The following ROBO2 variants were observed in gnomAD, a reference collection of about 807,000 sequenced individuals.
ROBO2 encodes the protein roundabout homolog 2.
ROBO2 carries 53 observed loss-of-function variants against 160.8 expected under a neutral mutation model. The observed-to-expected ratio is 0.33, with a 90% CI of 0.26 to 0.41. The LOEUF (loss-of-function observed/expected upper bound fraction) is 0.41, where lower values mean the gene tolerates loss of function less well. Among genes scored for constraint, ROBO2 ranks in the 10% least tolerant of loss-of-function variants. The pLI is 1.00. For missense variants in ROBO2, 1,577 were observed against 1,722.4 expected (o/e 0.92, Z 1.49); for synonymous variants, 664 against 611.7 (o/e 1.09, Z -1.26).
chr3:75,946,854 G>A (rs1445025388), intron 2 of ROBO2, among the ~76,000 whole-genome samples: 1 of 152,056 alleles, frequency 6.6e-6, no homozygotes, highest in African/African-American at 2.4e-5. Flanking sequence ...ATTGAAAAGT[G>A]TATGATGGAT....
intron 2 of ROBO2, among the ~76,000 whole-genome samples, chr3:76,250,345 T>G (rs1464359533): frequency 6.6e-6 from 1 of 152,098 alleles, no homozygotes; most frequent in Non-Finnish European, 1.5e-5. Flanking sequence ...TGAGTAATGT[T>G]TTTATTTTGC....
intron 2 of ROBO2, among the ~76,000 whole-genome samples, chr3:76,837,997 C>T (rs2109459360): frequency 6.6e-6 from 1 of 152,102 alleles, no homozygotes; most frequent in South Asian, 2.1e-4. Context: ...AATACTCTTT[C>T]ATCTAATGAA....
At chr3:76,388,306 C>T (rs960320765) in intron 2 of ROBO2, among the ~76,000 whole-genome samples, 2 of 149,306 alleles carry the variant, frequency 1.3e-5, no homozygotes, top group Admixed American at 6.7e-5. Flanking sequence ...GAGTCTTGCT[C>T]TGTCGCCCAG....
At chr3:77,186,999 C>T (rs944838860) in intron 2 of ROBO2, among the ~76,000 whole-genome samples, 3 of 151,926 alleles carry the variant, frequency 2.0e-5, no homozygotes, top group African/African-American at 7.2e-5. Context: ...TTTCTGTAAT[C>T]ATTGTCACAA....
chr3:76,258,641 A>G (rs948903393), intron 2 of ROBO2, among the ~76,000 whole-genome samples: 26 of 151,984 alleles, frequency 1.7e-4, no homozygotes, highest in African/African-American at 6.3e-4. Flanking sequence ...CTGTTCATTG[A>G]TCATTTCTTC....
intron 2 of ROBO2, among the ~76,000 whole-genome samples, chr3:76,772,725 C>T (rs1045335948): frequency 6.6e-6 from 1 of 150,902 alleles, no homozygotes. Context: ...TGGTCATTTG[C>T]CAGAGTGGAC....
chr3:77,143,728 C>G (rs1224417930), intron 2 of ROBO2, among the ~76,000 whole-genome samples: 2 of 151,982 alleles, frequency 1.3e-5, no homozygotes, highest in Non-Finnish European at 2.9e-5. Context: ...ATCAGTAGTG[C>G]CTATTTTTGC....
intron 2 of ROBO2, among the ~76,000 whole-genome samples, chr3:76,083,649 C>G (rs188548036): frequency 1.2e-3 from 186 of 152,156 alleles, no homozygotes; most frequent in African/African-American, 4.1e-3. Context: ...TTCACCAATT[C>G]CCTGATAGAA....
intron 20 of ROBO2, 21 bp from the exon 22 acceptor site, chr3:77,607,777 T>C (rs372224532): frequency 7.4e-5 from 119 of 1,610,894 alleles, no homozygotes; most frequent in Admixed American, 1.0e-4. Flanking sequence ...CATCTCTGAA[T>C]AAATACGTTA....
intron 2 of ROBO2, among the ~76,000 whole-genome samples, chr3:77,302,150 C>G (rs992560592): frequency 5.3e-5 from 8 of 151,840 alleles, no homozygotes; most frequent in African/African-American, 1.7e-4. Context: ...CCATGTTGCC[C>G]AGGCTGGTCT....
chr3:77,573,433 G>A (rs372386903), intron 13 of ROBO2, among the ~76,000 whole-genome samples: 1 of 152,040 alleles, frequency 6.6e-6, no homozygotes, highest in East Asian at 1.9e-4. Context: ...TTTGGTATGA[G>A]TTTAATCTTA....
At chr3:77,483,376 A>C (rs956166267) in intron 4 of ROBO2, among the ~76,000 whole-genome samples, 1 of 152,056 alleles carries the variant, frequency 6.6e-6, no homozygotes, top group East Asian at 1.9e-4. Context: ...AGAAAAAAAA[A>C]CAGTGTACTA....
At chr3:76,626,611 A>G (rs896828022) in intron 2 of ROBO2, among the ~76,000 whole-genome samples, 7 of 152,230 alleles carry the variant, frequency 4.6e-5, no homozygotes, top group African/African-American at 1.4e-4. Flanking sequence ...GATAACAGCA[A>G]TAAAGCCAAC....
intron 2 of ROBO2, among the ~76,000 whole-genome samples, chr3:76,052,716 G>T (rs1292058029): frequency 6.6e-6 from 1 of 151,910 alleles, no homozygotes; most frequent in Non-Finnish European, 1.5e-5. Context: ...TATTGTTTGT[G>T]GTTCCAAATT....
At chr3:77,264,945 A>T (rs2059032602) in intron 2 of ROBO2, among the ~76,000 whole-genome samples, 1 of 152,152 alleles carries the variant, frequency 6.6e-6, no homozygotes, top group Non-Finnish European at 1.5e-5. Context: ...AAATCTCTTT[A>T]TTCTTGTTCC....
Position 76,428,617 on chromosome 3 carries a change from CA to C in ROBO2, c.109+491023del, listed in dbSNP as rs58841794. 5.8e-3 allele frequency among the ~76,000 whole-genome samples: 884 copies of C among 151,256 alleles called. 28 individuals carry two copies. In the East Asian group the frequency reaches 0.098, roughly 17 times the overall value. On this transcript the variant is annotated intron_variant, in intron 2 of 26. Transcript: ENST00000487694. ...TTCTAACACTATAGTCTAACAGAAA[CA>C]AAAAAAAGTGAGTTTTTTTTCTGTA...
At chr3:77,109,120 A>T (rs2073234376) in intron 2 of ROBO2, among the ~76,000 whole-genome samples, 1 of 152,216 alleles carries the variant, frequency 6.6e-6, no homozygotes, top group African/African-American at 2.4e-5. Flanking sequence ...ATAGAAATTT[A>T]AAAAACGCAT....
At chr3:77,128,362 A>T (rs1301295629) in intron 2 of ROBO2, among the ~76,000 whole-genome samples, 1 of 152,200 alleles carries the variant, frequency 6.6e-6, no homozygotes, top group Non-Finnish European at 1.5e-5. Flanking sequence ...ATCAGATCAA[A>T]AAAACATGGT....
At chr3:76,496,600 C>G (rs1345156200) in intron 2 of ROBO2, among the ~76,000 whole-genome samples, 1 of 148,524 alleles carries the variant, frequency 6.7e-6, no homozygotes, top group African/African-American at 2.5e-5. Context: ...ATAGGCATCT[C>G]AAAGTTAAAC....
Sources: gnomAD v4.1 joint callset for allele counts (sites outside exome capture counted in the v4.1 genomes callset) on GRCh38, gnomAD v4.1.1 for gene constraint, MANE v1.5 for transcripts, NCBI Gene and HGNC (gene_info 2026-07-23, HGNC 2026-07-21) for gene names.